Variants in KIF6 observed in about 807,000 individuals in gnomAD.
The protein encoded by KIF6 is kinesin family member 6, also known as kinesin-like protein KIF6.
KIF6 carries 106 observed loss-of-function variants against 112.7 expected under a neutral mutation model. That is an observed-to-expected ratio of 0.94 (90% confidence interval 0.80 to 1.11). The LOEUF (loss-of-function observed/expected upper bound fraction) is 1.11, where lower values mean the gene tolerates loss of function less well. Among genes scored for constraint, KIF6 ranks in the 50% least tolerant of loss-of-function variants. KIF6 has a pLI of 0.00. For missense variants in KIF6, 929 were observed against 964.0 expected, an observed-to-expected ratio of 0.96 and a Z score of 0.48; for synonymous variants, 339 against 339.9, an observed-to-expected ratio of 1.00 and a Z score of 0.03.
chr6:39,498,392 A>T (rs1775909957), intron 13 of KIF6, among the ~76,000 whole-genome samples: 1 of 152,198 alleles, frequency 6.6e-6, no homozygotes. Context: ...GGTCATTTAG[A>T]AGGTGAAGAA....
chr6:39,537,248 C>T (rs912395557), intron 13 of KIF6, among the ~76,000 whole-genome samples: 1 of 151,864 alleles, frequency 6.6e-6, no homozygotes, highest in Non-Finnish European at 1.5e-5. Context: ...ATAAAGGGTA[C>T]TCAATTAGGA....
intron 13 of KIF6, among the ~76,000 whole-genome samples, chr6:39,520,924 T>C (rs1777361962): frequency 6.6e-6 from 1 of 152,138 alleles, no homozygotes; most frequent in Non-Finnish European, 1.5e-5. Context: ...CTGGTTTGGG[T>C]TGTCAGAACA....
intron 5 of KIF6, among the ~76,000 whole-genome samples, chr6:39,615,675 C>T (rs1783481411): frequency 6.6e-6 from 1 of 152,142 alleles, no homozygotes; most frequent in Non-Finnish European, 1.5e-5. Flanking sequence ...CTAGTAGACA[C>T]ATGGAGAGGA....
intron 3 of KIF6, among the ~76,000 whole-genome samples, chr6:39,651,101 ATG>A (rs544255993): frequency 1.9e-3 from 291 of 152,274 alleles, no homozygotes; most frequent in African/African-American, 6.3e-3. Flanking sequence ...TAATTTATAA[ATG>A]TGTTTGGAGA....
At chr6:39,690,994 G>A (rs985979747) in intron 3 of KIF6, 19 of 152,206 alleles carry the variant, frequency 1.2e-4, no homozygotes, top group African/African-American at 4.6e-4. Flanking sequence ...TTGAATTTCA[G>A]AGAAACAATG....
intron 3 of KIF6, among the ~76,000 whole-genome samples, chr6:39,650,820 A>C (rs985812682): frequency 2.6e-5 from 4 of 152,168 alleles, no homozygotes; most frequent in African/African-American, 4.8e-5. Context: ...AAGAAAATAG[A>C]AAATACTTTT....
At chr6:39,691,255 A>T (rs2113803279) in intron 3 of KIF6, 1 of 152,366 alleles carries the variant, frequency 6.6e-6, no homozygotes, top group East Asian at 1.9e-4. Flanking sequence ...AAGAAAGGCT[A>T]AGAAAAAAGA....
chr6:39,364,756 C>T (rs1182257507), intron 16 of KIF6, among the ~76,000 whole-genome samples: 3 of 152,172 alleles, frequency 2.0e-5, no homozygotes, highest in African/African-American at 7.2e-5. Flanking sequence ...CTTCTTTCAG[C>T]TAGATTCTTG....
At chr6:39,355,294 C>T (rs887091040) in intron 19 of KIF6, among the ~76,000 whole-genome samples, 3 of 151,872 alleles carry the variant, frequency 2.0e-5, no homozygotes, top group Admixed American at 6.6e-5. Flanking sequence ...ATACATTAAA[C>T]ATTTTTTTTC....
chr6:39,355,783 C>CT (rs35824483), intron 19 of KIF6, among the ~76,000 whole-genome samples: 3,108 of 145,058 alleles, frequency 0.021, 90 homozygotes, highest in African/African-American at 0.055. Flanking sequence ...TTTAAGAATA[C>CT]TTTTTTTTTT....
In KIF6 at chr6:39,487,096, G is replaced by A. The variant is rs115349599; in HGVS notation, c.1645+52907C>T. 4.7e-3 allele frequency among the ~76,000 whole-genome samples: 720 copies of A among 152,230 alleles called. 5 individuals carry two copies. The highest frequency in any genetic ancestry group is 0.016 in the African/African-American group (668 of 41,532). ...TTAAAAACAGCATTCTATCCTTTCT[G>A]AGCCAACACATTTTTCTAAATTTAA... On this transcript the variant is annotated intron_variant, in intron 13 of 22. Coordinates refer to ENST00000287152, the MANE Select transcript of KIF6 (RefSeq NM_145027.6).
At chr6:39,337,186 T>C (rs1382159105) in intron 22 of KIF6, among the ~76,000 whole-genome samples, 7 of 93,162 alleles carry the variant, frequency 7.5e-5, no homozygotes, top group African/African-American at 3.8e-4. Flanking sequence ...TTTCTTTCTT[T>C]CTTTCTTTCT....
chr6:39,614,126 G>A (rs2061465), intron 5 of KIF6, among the ~76,000 whole-genome samples: 30,346 of 152,086 alleles, frequency 0.2, 3,944 homozygotes, highest in East Asian at 0.37. Context: ...ACTTTCTGCA[G>A]TGGAACAAAA....
At chr6:39,346,134 T>C (rs73731796) in intron 20 of KIF6, among the ~76,000 whole-genome samples, 1,020 of 76,592 alleles carry the variant, frequency 0.013, 42 homozygotes, top group Middle Eastern at 0.018. Context: ...TCCCTCTCCC[T>C]CTCTCTCTCT....
intron 13 of KIF6, among the ~76,000 whole-genome samples, chr6:39,431,905 C>T (rs532132893): frequency 2.4e-4 from 36 of 152,204 alleles, no homozygotes; most frequent in Non-Finnish European, 4.6e-4. Flanking sequence ...TGCCTGGGAC[C>T]CCTCAGTGAG....
At chr6:39,528,874 T>C (rs1164530977) in intron 13 of KIF6, among the ~76,000 whole-genome samples, 1 of 152,158 alleles carries the variant, frequency 6.6e-6, no homozygotes, top group Non-Finnish European at 1.5e-5. Context: ...AAAAACAAAT[T>C]CTAAATTTCA....
intron 3 of KIF6, among the ~76,000 whole-genome samples, chr6:39,692,077 A>T (rs933752940): frequency 6.6e-6 from 1 of 152,230 alleles, no homozygotes; most frequent in Non-Finnish European, 1.5e-5. Context: ...TGAACGTGGG[A>T]GGCGGAGGTT....
chr6:39,399,711 G>T (rs987199497), intron 15 of KIF6, among the ~76,000 whole-genome samples: 1 of 152,238 alleles, frequency 6.6e-6, no homozygotes, highest in Non-Finnish European at 1.5e-5. Context: ...CCTGCCTGAG[G>T]GTGTGTGGAA....
chr6:39,564,793 T>C (rs762330958), intron 10 of KIF6, among the ~76,000 whole-genome samples: 7 of 152,218 alleles, frequency 4.6e-5, no homozygotes, highest in Non-Finnish European at 1.0e-4. Context: ...CAAACTACCA[T>C]TTTTTAATAG....
Sources: gnomAD v4.1 joint callset for allele counts (sites outside exome capture counted in the v4.1 genomes callset) on GRCh38, gnomAD v4.1.1 for gene constraint, MANE v1.5 for transcripts, NCBI Gene and HGNC (gene_info 2026-07-23, HGNC 2026-07-21) for gene names.